The following ANO3 variants were observed in gnomAD, a reference collection of about 807,000 sequenced individuals.
The protein encoded by ANO3 is anoctamin-3.
A neutral mutation model predicts 144.8 loss-of-function variants in ANO3; 99 were observed. The observed-to-expected ratio is 0.68, with a 90% CI of 0.58 to 0.81. The LOEUF (loss-of-function observed/expected upper bound fraction) is 0.81. Among genes scored for constraint, ANO3 ranks in the 30% least tolerant of loss-of-function variants. ANO3 has a pLI of 0.00. For synonymous variants in ANO3, 414 were observed against 392.6 expected, an observed-to-expected ratio of 1.05 and a Z score of -0.64; for missense variants, 905 against 1,202.2, an observed-to-expected ratio of 0.75 and a Z score of 3.66.
intron 1 of ANO3, among the ~76,000 whole-genome samples, chr11:26,435,563 T>C (rs1394549339): frequency 6.6e-6 from 1 of 152,248 alleles, no homozygotes; most frequent in East Asian, 1.9e-4. Flanking sequence ...CTTGACATAA[T>C]CCCACATTTA....
intron 1 of ANO3, among the ~76,000 whole-genome samples, chr11:26,241,058 G>T (rs1350575879): frequency 9.9e-5 from 15 of 152,078 alleles, no homozygotes; most frequent in Admixed American, 8.5e-4. Context: ...TTCCTGTGCT[G>T]TTCTCGTGAT....
chr11:26,230,858 G>C (rs1398732714), intron 1 of ANO3, among the ~76,000 whole-genome samples: 1 of 79,522 alleles, frequency 1.3e-5, no homozygotes, highest in South Asian at 4.5e-4. Context: ...TTTACAAAAA[G>C]TTTTCTGGTT....
chr11:26,249,061 CT>C (rs1185729488), intron 1 of ANO3, among the ~76,000 whole-genome samples: 32 of 152,186 alleles, frequency 2.1e-4, no homozygotes, highest in Admixed American at 1.7e-3. Flanking sequence ...CTTTAGATGT[CT>C]TAATTTCTTT....
At chr11:26,489,692 G>A (rs73430211) in intron 4 of ANO3, among the ~76,000 whole-genome samples, 8,193 of 152,262 alleles carry the variant, frequency 0.054, 421 homozygotes, top group African/African-American at 0.13. Flanking sequence ...TGACCTGGAT[G>A]TGAGACCTGG....
At chr11:26,283,462 G>A (rs1310469593) in intron 1 of ANO3, among the ~76,000 whole-genome samples, 1 of 150,222 alleles carries the variant, frequency 6.7e-6, no homozygotes. Context: ...CTCCAAGCCT[G>A]AGAAGACAAA....
At chr11:26,343,221 G>T (rs902106084) in intron 1 of ANO3, among the ~76,000 whole-genome samples, 9 of 152,096 alleles carry the variant, frequency 5.9e-5, no homozygotes, top group African/African-American at 2.2e-4. Flanking sequence ...ATGAGATCAT[G>T]CAATATTTGT....
At chr11:26,222,684 A>G (rs1564923000) in intron 1 of ANO3, among the ~76,000 whole-genome samples, 1 of 152,342 alleles carries the variant, frequency 6.6e-6, no homozygotes, top group East Asian at 1.9e-4. Flanking sequence ...CATTCTGCAC[A>G]CCTACAGGCT....
At chr11:26,371,461 C>G (rs549044690) in intron 1 of ANO3, among the ~76,000 whole-genome samples, 3 of 152,354 alleles carry the variant, frequency 2.0e-5, no homozygotes, top group African/African-American at 7.2e-5. Context: ...CAGAGTCCCA[C>G]TGGGGAAAGC....
At chr11:26,605,560 C>CT (rs1185744963) in intron 17 of ANO3, among the ~76,000 whole-genome samples, 1 of 152,020 alleles carries the variant, frequency 6.6e-6, no homozygotes, top group South Asian at 2.1e-4. Flanking sequence ...TGGTCCTGGG[C>CT]TTTTTTTGGT....
At chr11:26,369,032 A>C (rs1856174587) in intron 1 of ANO3, among the ~76,000 whole-genome samples, 1 of 152,120 alleles carries the variant, frequency 6.6e-6, no homozygotes. Flanking sequence ...CCAGCAGTTG[A>C]CAAGGTCTAT....
At chr11:26,463,265 T>C in intron 4 of ANO3, 117 bp downstream of exon 4, 2 of 520,928 alleles carry the variant, frequency 3.8e-6, no homozygotes, top group Non-Finnish European at 6.8e-6. Context: ...TACATGTTAA[T>C]ATGTACTATT....
chr11:26,212,050 G>A (rs186727956), intron 1 of ANO3, among the ~76,000 whole-genome samples: 1 of 152,068 alleles, frequency 6.6e-6, no homozygotes, highest in African/African-American at 2.4e-5. Flanking sequence ...ACACACTGGG[G>A]CCTGTCAGGT....
intron 1 of ANO3, among the ~76,000 whole-genome samples, chr11:26,364,991 A>T (rs1034198376): frequency 1.1e-4 from 16 of 152,222 alleles, no homozygotes; most frequent in African/African-American, 3.1e-4. Context: ...ACTTAATTTC[A>T]CCCATGAACA....
chr11:26,397,348 T>C (rs1259102617), intron 1 of ANO3, among the ~76,000 whole-genome samples: 1 of 152,126 alleles, frequency 6.6e-6, no homozygotes, highest in Non-Finnish European at 1.5e-5. Flanking sequence ...TTTCAACTGG[T>C]ATTATAATGT....
chr11:26,643,310 T>C lies in ANO3; in HGVS notation c.2404T>C (p.Leu802=). The change falls in exon 23 of 27, where the codon TTG becomes CTG. Residue 802 remains leucine (L), a synonymous_variant. Transcript: ENST00000256737. The part of the protein sequence containing the change: ...YKFVTQWRRP[L]PARATDIGIW... The stretch of plus-strand genomic sequence containing the variant: ...ATTTGTCACTCAATGGCGGAGGCCT[T>C]TGCCAGCCCGAGCAACTGACATAGG... 6.2e-7 allele frequency: 1 copy of C among 1,614,134 alleles called. No homozygotes were observed. The highest frequency in any genetic ancestry group is 8.5e-7 in the Non-Finnish European group (1 of 1,180,000).
At chr11:26,465,505 G>A (rs139325869) in intron 4 of ANO3, among the ~76,000 whole-genome samples, 9 of 151,794 alleles carry the variant, frequency 5.9e-5, no homozygotes, top group African/African-American at 2.2e-4. Flanking sequence ...CAGAAAGGGG[G>A]CACAGACTTG....
At chr11:26,553,699 G>A (rs1266185535) in intron 13 of ANO3, among the ~76,000 whole-genome samples, 4 of 151,942 alleles carry the variant, frequency 2.6e-5, no homozygotes, top group Non-Finnish European at 4.4e-5. Flanking sequence ...TACTTCTATC[G>A]GTACGGAGAA....
intron 17 of ANO3, among the ~76,000 whole-genome samples, chr11:26,601,216 G>T (rs1271663003): frequency 6.6e-6 from 1 of 152,154 alleles, no homozygotes; most frequent in Non-Finnish European, 1.5e-5. Flanking sequence ...AAGTAATAAG[G>T]TTGGTATTAT....
chr11:26,584,535 T>C (rs1414763283), intron 14 of ANO3, among the ~76,000 whole-genome samples: 1 of 152,212 alleles, frequency 6.6e-6, no homozygotes, highest in Non-Finnish European at 1.5e-5. Context: ...GACTGGATTC[T>C]ATTCAAAAAT....
Sources: gnomAD v4.1 joint callset for allele counts (sites outside exome capture counted in the v4.1 genomes callset) on GRCh38, gnomAD v4.1.1 for gene constraint, MANE v1.5 for transcripts, NCBI Gene and HGNC (gene_info 2026-07-23, HGNC 2026-07-21) for gene names.